Variants in FDX1 observed in about 807,000 individuals in gnomAD.
FDX1 encodes the protein ferredoxin 1.
In FDX1, 9 loss-of-function variants were observed where a neutral mutation model predicts 14.9. The ratio of observed to expected loss-of-function variants is 0.60; its 90% CI spans 0.36 to 1.05. FDX1 has a LOEUF of 1.05. Ranked by LOEUF, FDX1 falls within the 50% of genes least tolerant of loss-of-function variation. The pLI is 0.01. For synonymous variants in FDX1, 92 were observed against 99.4 expected (o/e 0.93, Z 0.44); for missense variants, 204 against 237.2 (o/e 0.86, Z 0.92).
In FDX1 at chr11:110,463,437, G is replaced by T. The variant is rs990304725; in HGVS notation, c.*969G>T. On this transcript the variant is annotated 3_prime_UTR_variant, in exon 4 of 4. Transcript: ENST00000260270. ...GCAAGCACCACAGATTACCACGTAT[G>T]TGTGGAAGACATTCGTACTCTTATC... The T allele has an allele frequency of 6.6e-6, 1 of 152,232 alleles. No homozygotes were observed. Among genetic ancestry groups the T allele is most frequent in the East Asian group, 1.9e-4 (1 of 5,206 alleles). 9.4% of individuals were successfully genotyped at this position (152,232 alleles called of 1,614,324 possible). A position where few individuals can be genotyped will look rare whatever the true frequency, so the allele number is the denominator to read the frequency against.
intron 1 of FDX1, among the ~76,000 whole-genome samples, chr11:110,434,480 G>A (rs1190236399): frequency 6.6e-6 from 1 of 151,858 alleles, no homozygotes; most frequent in Non-Finnish European, 1.5e-5. Flanking sequence ...GGGATTACAG[G>A]CATGTACCAC....
intron 1 of FDX1, among the ~76,000 whole-genome samples, chr11:110,434,341 T>C (rs1268146220): frequency 6.7e-6 from 1 of 150,224 alleles, no homozygotes; most frequent in Non-Finnish European, 1.5e-5. Flanking sequence ...TTGATTTTTT[T>C]TTTTTTTTTT....
chr11:110,441,685 TA>T (rs1946405095), intron 2 of FDX1, among the ~76,000 whole-genome samples: 1 of 152,156 alleles, frequency 6.6e-6, no homozygotes, highest in South Asian at 2.1e-4. Flanking sequence ...GGAAACAGCA[TA>T]AAAAAGTTTG....
intron 2 of FDX1, among the ~76,000 whole-genome samples, chr11:110,439,527 G>A (rs547966587): frequency 2.0e-5 from 3 of 152,018 alleles, no homozygotes; most frequent in Non-Finnish European, 4.4e-5. Flanking sequence ...TTTTTAATGA[G>A]GTTATTTGTT....
Position 110,464,252 on chromosome 11 carries a change from T to A in FDX1, c.*1784T>A, listed in dbSNP as rs1030723457. On this transcript the variant is annotated 3_prime_UTR_variant, in exon 4 of 4. Coordinates refer to ENST00000260270, the MANE Select transcript of FDX1 (RefSeq NM_004109.5). ...CTTTCTATGTGGAGAGTGCTTGTCT[T>A]AATTTTCTGTTGCTATAATAGAATA... The A allele has an allele frequency of 1.3e-5, 2 of 152,158 alleles. No individual in the cohort carries two copies. Among genetic ancestry groups the A allele is most frequent in the Non-Finnish European group, 2.9e-5 (2 of 68,018 alleles). 9.4% of individuals were successfully genotyped at this position (152,158 alleles called of 1,614,324 possible). A position where few individuals can be genotyped will look rare whatever the true frequency, so the allele number is the denominator to read the frequency against.
chr11:110,447,661 A>G (rs980122730), intron 2 of FDX1, among the ~76,000 whole-genome samples: 5 of 152,094 alleles, frequency 3.3e-5, no homozygotes, highest in Admixed American at 6.6e-5. Flanking sequence ...GAGACTTTGT[A>G]TATACTTTAC....
At chr11:110,452,024 T>TG (rs1946489607) in intron 2 of FDX1, among the ~76,000 whole-genome samples, 1 of 151,996 alleles carries the variant, frequency 6.6e-6, no homozygotes, top group African/African-American at 2.4e-5. Context: ...GATATTCATG[T>TG]GGGAAAAAAA....
intron 2 of FDX1, among the ~76,000 whole-genome samples, chr11:110,437,916 C>T (rs1190949982): frequency 2.6e-5 from 4 of 152,172 alleles, no homozygotes; most frequent in Non-Finnish European, 5.9e-5. Context: ...TTAATTTACT[C>T]GGGATAATGG....
intron 2 of FDX1, among the ~76,000 whole-genome samples, chr11:110,451,673 C>T (rs774382767): frequency 7.9e-5 from 12 of 152,180 alleles, no homozygotes; most frequent in Non-Finnish European, 1.3e-4. Flanking sequence ...ATAGCAAAGA[C>T]ATAGAATCAA....
At chr11:110,461,270 T>C (rs1356360454) in intron 3 of FDX1, among the ~76,000 whole-genome samples, 2 of 152,044 alleles carry the variant, frequency 1.3e-5, no homozygotes, top group Admixed American at 1.3e-4. Context: ...CTGAGGCGGA[T>C]AGATCACTTG....
chr11:110,444,683 T>TAC (rs34604203), intron 2 of FDX1, among the ~76,000 whole-genome samples: 8 of 52,666 alleles, frequency 1.5e-4, no homozygotes, highest in Non-Finnish European at 2.2e-4. Context: ...TATATATATA[T>TAC]ACACGTATAT....
At chr11:110,432,254 C>G (rs372102889) in intron 1 of FDX1, among the ~76,000 whole-genome samples, 2 of 152,192 alleles carry the variant, frequency 1.3e-5, no homozygotes, top group African/African-American at 4.8e-5. Flanking sequence ...ATTCAGGTAG[C>G]AAAGATCTTT....
intron 2 of FDX1, among the ~76,000 whole-genome samples, chr11:110,453,456 A>G (rs1946499502): frequency 1.3e-5 from 2 of 150,508 alleles, no homozygotes; most frequent in Non-Finnish European, 3.0e-5. Context: ...GATAAAGAAA[A>G]CAGAAAAGGA....
intron 3 of FDX1, among the ~76,000 whole-genome samples, chr11:110,458,940 TGATG>T (rs1390388328): frequency 6.6e-6 from 1 of 152,160 alleles, no homozygotes; most frequent in Non-Finnish European, 1.5e-5. Context: ...CCTTGATTGT[TGATG>T]GATGGATGGA....
intron 2 of FDX1, among the ~76,000 whole-genome samples, chr11:110,453,852 A>T (rs1401761466): frequency 6.6e-6 from 1 of 152,210 alleles, no homozygotes; most frequent in Non-Finnish European, 1.5e-5. Context: ...GTTCTAACAC[A>T]GTCTGACCGT....
rs371146163 is a variant in FDX1, at chr11:110,462,411, A to T, written c.498A>T (p.Arg166=). The change falls in exon 4 of 4, where the codon CGA becomes CGT. Residue 166 remains arginine (R), a synonymous_variant. Transcript: ENST00000260270. ...LTKSMDNMTV[R]VPETVADARQ... Reference sequence around the variant, plus strand: ...AATCTATGGACAATATGACTGTTCGAGTGCCTGAAACAGTGGCTGATGCCA... The same window carrying T: ...AATCTATGGACAATATGACTGTTCGTGTGCCTGAAACAGTGGCTGATGCCA... The T allele has an allele frequency of 6.2e-7, 1 of 1,612,254 alleles. No individual in the cohort carries two copies. Among genetic ancestry groups the T allele is most frequent in the African/African-American group, 1.3e-5 (1 of 74,896 alleles).
intron 2 of FDX1, among the ~76,000 whole-genome samples, chr11:110,456,344 A>G (rs1158201111): frequency 6.6e-6 from 1 of 152,106 alleles, no homozygotes; most frequent in East Asian, 1.9e-4. Flanking sequence ...TATTAGGACT[A>G]TATTTTCATA....
At chr11:110,435,999 TTAGG>T (rs1322526278) in intron 2 of FDX1, 41 bp downstream of exon 2, 11 of 1,558,860 alleles carry the variant, frequency 7.1e-6, no homozygotes, top group Non-Finnish European at 8.7e-6. Flanking sequence ...AGTGAAACTG[TTAGG>T]TTTCAAATTT....
intron 2 of FDX1, among the ~76,000 whole-genome samples, chr11:110,444,677 TATATATAC>T (rs1565381816): frequency 5.2e-5 from 4 of 76,460 alleles, no homozygotes; most frequent in African/African-American, 2.4e-4. Context: ...TATATATATA[TATATATAC>T]ACGTATATAT....
Sources: gnomAD v4.1 joint callset for allele counts (sites outside exome capture counted in the v4.1 genomes callset) on GRCh38, gnomAD v4.1.1 for gene constraint, MANE v1.5 for transcripts, NCBI Gene and HGNC (gene_info 2026-07-23, HGNC 2026-07-21) for gene names.